The following GRIK4 variants were observed in gnomAD, a reference collection of about 807,000 sequenced individuals.
GRIK4 encodes glutamate ionotropic receptor kainate type subunit 4.
A neutral mutation model predicts 104.9 loss-of-function variants in GRIK4; 40 were observed. That is an observed-to-expected ratio of 0.38 (90% CI 0.30 to 0.50). The LOEUF is 0.50. Among genes scored for constraint, GRIK4 ranks in the 20% least tolerant of loss-of-function variants. The probability of loss-of-function intolerance (pLI) is 0.93; values close to 1 mark genes in which losing one functional copy is unlikely to be tolerated. For missense variants in GRIK4, 1,047 were observed against 1,308.1 expected, an observed-to-expected ratio of 0.80 and a Z score of 3.08; for synonymous variants, 485 against 524.9, an observed-to-expected ratio of 0.92 and a Z score of 1.04.
chr11:120,652,720 C>T (rs536102907), intron 1 of GRIK4, among the ~76,000 whole-genome samples: 142 of 152,298 alleles, frequency 9.3e-4, no homozygotes, highest in African/African-American at 3.3e-3. Flanking sequence ...TCTACCCTTC[C>T]TGCCGCCCCA....
chr11:120,969,378 G>A (rs1243325572), intron 19 of GRIK4, among the ~76,000 whole-genome samples: 1 of 152,172 alleles, frequency 6.6e-6, no homozygotes, highest in Non-Finnish European at 1.5e-5. Context: ...CGTGGGAGGA[G>A]GGCATTGCAG....
intron 3 of GRIK4, among the ~76,000 whole-genome samples, chr11:120,794,636 G>T (rs1952476220): frequency 6.6e-6 from 1 of 152,156 alleles, no homozygotes. Context: ...CGCACACCAA[G>T]GAGAGAGGTC....
Position 120,903,834 on chromosome 11 carries a change from A to G in GRIK4, c.1273-1456A>G, listed in dbSNP as rs974338648. On this transcript the variant is annotated intron_variant, in intron 12 of 20. Transcript: ENST00000527524. This position sits in a 1 kb window ranked among gnomAD's most constrained non-coding sequence, Gnocchi z 4.4. Reference sequence around the variant, plus strand: ...GTGGCACTCGCTCAGTCCTCATCCTACGGAGTCCTGCTGCCCCCACCACGC... The same window carrying G: ...GTGGCACTCGCTCAGTCCTCATCCTGCGGAGTCCTGCTGCCCCCACCACGC... Among the ~76,000 whole-genome samples the G allele has an allele frequency of 6.6e-6, 1 of 152,034 alleles. No individual in the cohort carries two copies. Among genetic ancestry groups the G allele is most frequent in the Non-Finnish European group, 1.5e-5 (1 of 68,004 alleles).
intron 12 of GRIK4, among the ~76,000 whole-genome samples, chr11:120,904,097 C>T (rs1159329379): frequency 6.6e-6 from 1 of 152,146 alleles, no homozygotes; most frequent in South Asian, 2.1e-4. Context: ...CTTCTTCTTC[C>T]TCTTCTGCCC....
chr11:120,523,889 C>T (rs1293682977), intron 1 of GRIK4, among the ~76,000 whole-genome samples: 4 of 150,080 alleles, frequency 2.7e-5, no homozygotes, highest in South Asian at 2.1e-4. Flanking sequence ...CCACAAGGCA[C>T]GGGTTCCATT....
chr11:120,756,125 C>T (rs1462534476), intron 3 of GRIK4, among the ~76,000 whole-genome samples: 2 of 152,184 alleles, frequency 1.3e-5, no homozygotes, highest in East Asian at 3.8e-4. Context: ...CACTTGGTCA[C>T]CTGCACCACC....
chr11:120,932,431 G>C (rs562135255), intron 13 of GRIK4, among the ~76,000 whole-genome samples: 31 of 147,558 alleles, frequency 2.1e-4, no homozygotes, highest in African/African-American at 7.7e-4. Flanking sequence ...TGTTACTCTC[G>C]GCCCATATCC....
At chr11:120,846,500 A>G (rs1470800574) in intron 8 of GRIK4, among the ~76,000 whole-genome samples, 1 of 152,172 alleles carries the variant, frequency 6.6e-6, no homozygotes, top group Non-Finnish European at 1.5e-5. Flanking sequence ...TAGAGATGGC[A>G]ATTGGAGAGT....
chr11:120,565,809 A>G (rs1212753667), intron 1 of GRIK4, among the ~76,000 whole-genome samples: 1 of 152,242 alleles, frequency 6.6e-6, no homozygotes, highest in African/African-American at 2.4e-5. Flanking sequence ...GCCACATGAG[A>G]AAACTTAACT....
At chr11:120,654,040 C>T (rs186982155) in intron 2 of GRIK4, among the ~76,000 whole-genome samples, 134 of 152,190 alleles carry the variant, frequency 8.8e-4, no homozygotes, top group African/African-American at 2.9e-3. Flanking sequence ...ACCTAAAGTA[C>T]GGGAATGAGG....
chr11:120,529,377 C>G (rs1947899801), intron 1 of GRIK4, among the ~76,000 whole-genome samples: 1 of 152,170 alleles, frequency 6.6e-6, no homozygotes, highest in Non-Finnish European at 1.5e-5. Flanking sequence ...GCCGCTGTGC[C>G]CATCGACATT....
chr11:120,791,829 G>A (rs946587585), intron 3 of GRIK4, among the ~76,000 whole-genome samples: 3 of 152,138 alleles, frequency 2.0e-5, no homozygotes. Context: ...CACAGTTTGT[G>A]TAAAGACTTT....
chr11:120,702,353 C>T (rs962749580), intron 3 of GRIK4, among the ~76,000 whole-genome samples: 13 of 152,026 alleles, frequency 8.6e-5, no homozygotes, highest in African/African-American at 2.7e-4. Flanking sequence ...GTGTCTGAGC[C>T]GAATCTTGGT....
At chr11:120,588,094 G>A (rs1280665200) in intron 1 of GRIK4, among the ~76,000 whole-genome samples, 2 of 152,164 alleles carry the variant, frequency 1.3e-5, no homozygotes, top group Non-Finnish European at 2.9e-5. Flanking sequence ...ATTCAGGAGG[G>A]CAGGTGTGTG....
Position 120,522,365 on chromosome 11 carries a change from A to C in GRIK4, c.-159+10478A>C, listed in dbSNP as rs569106816. On this transcript the variant is annotated intron_variant, in intron 1 of 20. Transcript: ENST00000527524. ...GAGATGGAGTCTCGCTCGGTTGCCCAGGCTGGAGTGCCGTGGCGCGACCTC... is the reference window on the plus strand; with the variant it reads ...GAGATGGAGTCTCGCTCGGTTGCCCCGGCTGGAGTGCCGTGGCGCGACCTC... Among the ~76,000 whole-genome samples, 4 of 152,168 alleles carry C rather than the reference A, an allele frequency of 2.6e-5. No individual in the cohort carries two copies. In the East Asian group the frequency reaches 5.8e-4, roughly 22 times the overall value.
At chr11:120,730,624 A>G (rs760799411) in intron 3 of GRIK4, among the ~76,000 whole-genome samples, 8 of 151,744 alleles carry the variant, frequency 5.3e-5, no homozygotes, top group Non-Finnish European at 1.2e-4. Context: ...ATTTTCATAG[A>G]GATTGCACTG....
chr11:120,656,431 G>A (rs2135230430), intron 2 of GRIK4, among the ~76,000 whole-genome samples: 1 of 152,306 alleles, frequency 6.6e-6, no homozygotes, highest in East Asian at 1.9e-4. Context: ...AAGCCACTGA[G>A]CCTTACAGAC....
In GRIK4 at chr11:120,725,745, T is replaced by TA. The variant is rs1555049821; in HGVS notation, c.82+65357dup. ...CCAGAAGGGTCATTTTCTATGTTTA[T>TA]AAAAAAAAAAAATCTATGGAACTAT... On this transcript the variant is annotated intron_variant, in intron 3 of 20. Coordinates refer to ENST00000527524, the MANE Select transcript of GRIK4 (RefSeq NM_014619.5). 8.7e-3 allele frequency among the ~76,000 whole-genome samples: 1,244 copies of TA among 143,540 alleles called. 15 individuals are homozygous for TA. Among genetic ancestry groups the TA allele is most frequent in the African/African-American group, 0.029 (1,113 of 38,890 alleles). The allele number at this position is 143,540 out of a possible 152,430, so 94.2% of individuals were successfully genotyped here. A position where few individuals can be genotyped will look rare whatever the true frequency, so the allele number is the denominator to read the frequency against.
chr11:120,959,747 A>G (rs1216172490), intron 16 of GRIK4, among the ~76,000 whole-genome samples: 3 of 152,266 alleles, frequency 2.0e-5, no homozygotes, highest in Non-Finnish European at 4.4e-5. Flanking sequence ...TCTAATTTGA[A>G]ATAGCATGAC....
Sources: allele counts gnomAD v4.1 joint callset (sites outside exome capture counted in the v4.1 genomes callset), GRCh38; gene constraint gnomAD v4.1.1; non-coding constraint Gnocchi (gnomAD v3.1); transcripts MANE v1.5; gene names NCBI Gene and HGNC (gene_info 2026-07-23, HGNC 2026-07-21).